PLA1A: variants seen among roughly 807,000 people sequenced by gnomAD.
PLA1A encodes phosphatidylserine-specific phospholipase A1alpha.
Under a neutral mutation model 49.4 loss-of-function variants are expected in PLA1A, and 47 were observed. That is an observed-to-expected ratio of 0.95 (90% CI 0.75 to 1.21). The LOEUF is 1.21. Among genes scored for constraint, PLA1A ranks in the 50% most tolerant of loss-of-function variants. PLA1A has a pLI of 0.00. For missense variants in PLA1A, 561 were observed against 563.9 expected (o/e 0.99, Z 0.05); for synonymous variants, 224 against 207.9 (o/e 1.08, Z -0.67).
intron 1 of PLA1A, among the ~76,000 whole-genome samples, chr3:119,602,496 T>A (rs2082630853): frequency 6.6e-6 from 1 of 152,200 alleles, no homozygotes; most frequent in Non-Finnish European, 1.5e-5. Flanking sequence ...TATATACCTT[T>A]TTTATTCCTG....
At chr3:119,628,998 C>G (rs2052586832) in intron 10 of PLA1A, 133 bp downstream of exon 10, 1 of 787,188 alleles carries the variant, frequency 1.3e-6, no homozygotes, top group Non-Finnish European at 2.1e-6. Flanking sequence ...ATGACAGACA[C>G]CCGGTGTTTT....
intron 8 of PLA1A, among the ~76,000 whole-genome samples, chr3:119,619,917 C>T (rs759399171): frequency 8.5e-5 from 13 of 152,298 alleles, no homozygotes; most frequent in Middle Eastern, 3.4e-3. Context: ...TCTTCTCTCT[C>T]GAGTGATGTT....
At chr3:119,608,278 AAGAAAGAAAG>A (rs1560078910) in intron 2 of PLA1A, among the ~76,000 whole-genome samples, 5 of 151,194 alleles carry the variant, frequency 3.3e-5, no homozygotes, top group Admixed American at 6.6e-5. Flanking sequence ...GAAAGAAAGA[AAGAAAGAAAG>A]AAAGAAAGAA....
chr3:119,599,117 G>A lies in PLA1A; in HGVS notation c.73+1131G>A, dbSNP rs79674332. On this transcript the variant is annotated intron_variant, in intron 1 of 10. Coordinates refer to ENST00000273371, the MANE Select transcript of PLA1A (RefSeq NM_015900.4). ...ATGGGGAATAGGCTCTGTCTGGGTCGGGCTAACCCAGACTGGAATCCTGGC... is the reference window on the plus strand; with the variant it reads ...ATGGGGAATAGGCTCTGTCTGGGTCAGGCTAACCCAGACTGGAATCCTGGC... 3.1e-3 allele frequency among the ~76,000 whole-genome samples: 466 copies of A among 152,178 alleles called. 1 individual carries two copies. The highest frequency in any genetic ancestry group is 9.5e-3 in the African/African-American group (394 of 41,510).
intron 4 of PLA1A, among the ~76,000 whole-genome samples, chr3:119,612,652 C>A (rs1332321358): frequency 1.3e-5 from 2 of 152,180 alleles, no homozygotes; most frequent in Non-Finnish European, 2.9e-5. Flanking sequence ...CTACGCCCAG[C>A]TGATTTTTTG....
intron 7 of PLA1A, among the ~76,000 whole-genome samples, chr3:119,618,755 GTTATC>G (rs1455649281): frequency 7.0e-6 from 1 of 141,884 alleles, no homozygotes; most frequent in Non-Finnish European, 1.6e-5. Flanking sequence ...ATATCCCGTG[GTTATC>G]CAGGATGAAG....
intron 4 of PLA1A, 62 bp downstream of exon 4, chr3:119,609,638 A>G (rs2082739048): frequency 3.2e-6 from 3 of 924,860 alleles, no homozygotes; most frequent in South Asian, 2.9e-5. Context: ...CCCTGAAAAT[A>G]TCTCTTCTAA....
chr3:119,626,579 G>A (rs2052542082), intron 9 of PLA1A, among the ~76,000 whole-genome samples: 1 of 152,158 alleles, frequency 6.6e-6, no homozygotes, highest in Non-Finnish European at 1.5e-5. Context: ...TGAAGGACAG[G>A]TTTTTATCCT....
intron 8 of PLA1A, 69 bp from the exon 9 acceptor site, chr3:119,625,055 C>A: frequency 2.2e-6 from 2 of 903,948 alleles, no homozygotes; most frequent in Non-Finnish European, 3.7e-6. Context: ...CACACTGCTG[C>A]TCTCTGGGGT....
chr3:119,605,198 G>A (rs987400137), intron 1 of PLA1A, among the ~76,000 whole-genome samples: 3 of 152,224 alleles, frequency 2.0e-5, no homozygotes, highest in African/African-American at 4.8e-5. Flanking sequence ...CAAGCCACAG[G>A]CTGAAGAGCT....
At chr3:119,601,404 C>T (rs1230184676) in intron 1 of PLA1A, among the ~76,000 whole-genome samples, 3 of 152,134 alleles carry the variant, frequency 2.0e-5, no homozygotes, top group African/African-American at 7.2e-5. Context: ...GTTACCAGGC[C>T]TTACTCACCC....
At chr3:119,620,491 A>G (rs1246437926) in intron 8 of PLA1A, among the ~76,000 whole-genome samples, 30 of 152,186 alleles carry the variant, frequency 2.0e-4, no homozygotes, top group Admixed American at 1.9e-3. Context: ...CCTGGATTCA[A>G]ATCTCAGCTT....
intron 6 of PLA1A, among the ~76,000 whole-genome samples, chr3:119,616,940 C>T (rs2082856030): frequency 6.6e-6 from 1 of 152,222 alleles, no homozygotes. Flanking sequence ...CCCCAGCTCC[C>T]TGTTGCAACT....
chr3:119,626,706 A>G (rs895246422), intron 9 of PLA1A, among the ~76,000 whole-genome samples: 2 of 152,156 alleles, frequency 1.3e-5, no homozygotes, highest in African/African-American at 4.8e-5. Context: ...GTGAGGCACT[A>G]CAAGTTTCTG....
At chr3:119,614,959 G>T (rs1384847310) in intron 5 of PLA1A, among the ~76,000 whole-genome samples, 1 of 152,174 alleles carries the variant, frequency 6.6e-6, no homozygotes, top group Admixed American at 6.5e-5. Flanking sequence ...TTGGGCAAAG[G>T]TGGTGGCAGT....
At chr3:119,599,257 G>A (rs1189125790) in intron 1 of PLA1A, among the ~76,000 whole-genome samples, 1 of 152,214 alleles carries the variant, frequency 6.6e-6, no homozygotes. Flanking sequence ...TCTGTGCACA[G>A]GGCCTGACTT....
At chr3:119,613,205 G>C (rs1234137276) in intron 5 of PLA1A, 87 bp downstream of exon 5, 5 of 808,674 alleles carry the variant, frequency 6.2e-6, no homozygotes, top group Non-Finnish European at 1.0e-5. Context: ...GCCCTGGGCA[G>C]AGATGCCCTG....
Position 119,629,409 on chromosome 3 carries a change from C to T in PLA1A, c.1312C>T (p.Pro438Ser), listed in dbSNP as rs369168732. Residue 438 changes from proline (P) to serine (S), a missense_variant, in exon 11 of 11, where the codon CCA (proline) becomes TCA (serine). By Grantham distance (74) the Pro-to-Ser change is moderately conservative. Transcript: ENST00000273371. ...DREKMVCLPE[P>S]VNLQASVTVS... The stretch of plus-strand genomic sequence containing the variant: ...AGAAAAGATGGTCTGCTTACCTGAA[C>T]CAGTGAACTTACAAGCAAGTGTGAC... 1 of 1,610,616 alleles carries T rather than the reference C, an allele frequency of 6.2e-7. No individual in the cohort carries two copies. Among genetic ancestry groups the T allele is most frequent in the Non-Finnish European group, 8.5e-7 (1 of 1,176,860 alleles).
chr3:119,622,065 G>C (rs1423584263), intron 8 of PLA1A, among the ~76,000 whole-genome samples: 1 of 142,060 alleles, frequency 7.0e-6, no homozygotes, highest in Non-Finnish European at 1.5e-5. Context: ...CTGGGCAAGA[G>C]AGCAAGAACC....
Sources: allele counts gnomAD v4.1 joint callset (sites outside exome capture counted in the v4.1 genomes callset), GRCh38; gene constraint gnomAD v4.1.1; transcripts MANE v1.5; gene names NCBI Gene and HGNC (gene_info 2026-07-23, HGNC 2026-07-21).